GPR158: variants seen among roughly 807,000 people sequenced by gnomAD.
GPR158 encodes metabotropic glycine receptor.
GPR158 carries 30 observed loss-of-function variants against 78.2 expected under a neutral mutation model. The observed-to-expected ratio is 0.38, with a 90% CI of 0.29 to 0.52. The LOEUF (loss-of-function observed/expected upper bound fraction) is 0.52. Among genes scored for constraint, GPR158 ranks in the 20% least tolerant of loss-of-function variants. The pLI is 0.83. For synonymous variants in GPR158, 581 were observed against 591.1 expected (o/e 0.98, Z 0.25); for missense variants, 1,463 against 1,523.5 (o/e 0.96, Z 0.66).
chr10:25,265,011 A>G (rs149284227), intron 2 of GPR158, among the ~76,000 whole-genome samples: 4 of 152,364 alleles, frequency 2.6e-5, no homozygotes, highest in Non-Finnish European at 4.4e-5. Context: ...TCTCATTAAA[A>G]TGAATTATAC....
chr10:25,296,063 A>AAAC (rs2130769628), intron 2 of GPR158, among the ~76,000 whole-genome samples: 1 of 151,788 alleles, frequency 6.6e-6, no homozygotes, highest in East Asian at 1.9e-4. Flanking sequence ...GAAAAAAAAA[A>AAAC]AAAAAACCTA....
At chr10:25,212,882 G>A (rs1853154333) in intron 1 of GPR158, among the ~76,000 whole-genome samples, 1 of 152,078 alleles carries the variant, frequency 6.6e-6, no homozygotes, top group South Asian at 2.1e-4. Context: ...CACCCGCCTT[G>A]GCCTCCCAAA....
At chr10:25,458,611 C>A (rs1835320456) in intron 4 of GPR158, among the ~76,000 whole-genome samples, 1 of 152,200 alleles carries the variant, frequency 6.6e-6, no homozygotes, top group South Asian at 2.1e-4. Context: ...CTGTGCCAGG[C>A]AGCATTATTG....
intron 3 of GPR158, among the ~76,000 whole-genome samples, chr10:25,408,073 T>C (rs923112862): frequency 1.3e-5 from 2 of 152,220 alleles, no homozygotes; most frequent in African/African-American, 4.8e-5. Context: ...TGGGTGAAGT[T>C]TCAAGTTTCA....
intron 1 of GPR158, among the ~76,000 whole-genome samples, chr10:25,189,100 G>C (rs1194072515): frequency 1.3e-5 from 2 of 152,174 alleles, no homozygotes; most frequent in African/African-American, 4.8e-5. Context: ...TCTCACACCA[G>C]TTAGAATGGC....
intron 1 of GPR158, among the ~76,000 whole-genome samples, chr10:25,211,742 C>T (rs140411578): frequency 2.0e-5 from 3 of 152,306 alleles, no homozygotes; most frequent in Non-Finnish European, 2.9e-5. Flanking sequence ...TTTTACCTTT[C>T]GCAGTCAAGT....
chr10:25,599,353 A>G lies in GPR158; in HGVS notation c.*79A>G. On this transcript the variant is annotated 3_prime_UTR_variant, in exon 11 of 11. Coordinates refer to ENST00000376351, the MANE Select transcript of GPR158 (RefSeq NM_020752.3). The stretch of plus-strand genomic sequence containing the variant: ...AAGATATAAGAATCAAATATTCCCA[A>G]GGAGGATTTGTCAATCAAGGAAAAC... The G allele has an allele frequency of 9.0e-7, 1 of 1,108,330 alleles. No homozygotes were observed. Among genetic ancestry groups the G allele is most frequent in the Non-Finnish European group, 1.3e-6 (1 of 776,032 alleles). 68.7% of individuals were successfully genotyped at this position (1,108,330 alleles called of 1,614,324 possible).
intron 2 of GPR158, among the ~76,000 whole-genome samples, chr10:25,383,225 T>G (rs140302388): frequency 6.6e-6 from 1 of 152,226 alleles, no homozygotes; most frequent in Non-Finnish European, 1.5e-5. Context: ...TTTTTAAAAA[T>G]CTAGAAGCCT....
chr10:25,257,264 T>G (rs1853900773), intron 2 of GPR158, among the ~76,000 whole-genome samples: 1 of 152,190 alleles, frequency 6.6e-6, no homozygotes, highest in Non-Finnish European at 1.5e-5. Flanking sequence ...AATCCATTCC[T>G]GCAGGCTAAG....
chr10:25,412,346 C>G lies in GPR158; in HGVS notation c.1208C>G (p.Ala403Gly). 1 of 1,613,304 alleles carries G rather than the reference C, an allele frequency of 6.2e-7. No homozygotes were observed. The highest frequency in any genetic ancestry group is 8.5e-7 in the Non-Finnish European group (1 of 1,179,194). ...LPCREGCPFCADDSPCFVQED... is the reference protein window; with the variant it reads ...LPCREGCPFCGDDSPCFVQED... The stretch of plus-strand genomic sequence containing the variant: ...TGCAGGGAGGGCTGCCCCTTCTGTG[C>G]TGATGACAGCCCATGCTTCGTCCAG... Residue 403 changes from alanine to glycine, a missense_variant, in exon 4 of 11, where the codon GCT (alanine) becomes GGT (glycine). Transcript: ENST00000376351.
chr10:25,226,092 C>T (rs1853368671), intron 2 of GPR158, among the ~76,000 whole-genome samples: 1 of 147,998 alleles, frequency 6.8e-6, no homozygotes, highest in African/African-American at 2.5e-5. Flanking sequence ...CTCACCATTG[C>T]TCTTCTTTTC....
At chr10:25,418,996 G>T (rs926944746) in intron 4 of GPR158, among the ~76,000 whole-genome samples, 4 of 151,900 alleles carry the variant, frequency 2.6e-5, no homozygotes, top group African/African-American at 9.6e-5. Flanking sequence ...GATTTTTTAA[G>T]TGAAATTCTA....
At position 25,599,243 on chromosome 10, in the gene GPR158, A is replaced by G. The variant is rs201226568; in HGVS notation, c.3617A>G (p.Lys1206Arg). ...LSANKIAGPR[K>R]EEIWDSFKV ...GCAAATAAGATAGCAGGGCCTAGGA[A>G]AGAAGAGATCTGGGATAGTTTTAAA... The change falls in exon 11 of 11, where the codon AAA (lysine) becomes AGA (arginine). Residue 1206 changes from lysine (K) to arginine (R), a missense_variant. Physicochemically the swap from Lys to Arg is conservative, Grantham distance 26. Coordinates refer to ENST00000376351, the MANE Select transcript of GPR158 (RefSeq NM_020752.3). 12 of 1,612,660 alleles carry G rather than the reference A, an allele frequency of 7.4e-6. No homozygotes were observed. In the Admixed American group the frequency reaches 2.0e-4, roughly 27 times the overall value.
At chr10:25,381,390 G>C (rs1415962830) in intron 2 of GPR158, among the ~76,000 whole-genome samples, 1 of 152,102 alleles carries the variant, frequency 6.6e-6, no homozygotes, top group Non-Finnish European at 1.5e-5. Flanking sequence ...TGTTTGGGTA[G>C]TAACTAGAAG....
At chr10:25,374,721 A>T (rs1834051753) in intron 2 of GPR158, among the ~76,000 whole-genome samples, 1 of 151,754 alleles carries the variant, frequency 6.6e-6, no homozygotes, top group Admixed American at 6.6e-5. Context: ...TGTTGTGTGT[A>T]TCAATCGTGT....
chr10:25,431,671 A>T (rs1237244379), intron 4 of GPR158, among the ~76,000 whole-genome samples: 3 of 148,242 alleles, frequency 2.0e-5, no homozygotes, highest in African/African-American at 5.0e-5. Context: ...ATGGAATACT[A>T]TGCAGCCATA....
chr10:25,550,988 T>C lies in GPR158; in HGVS notation c.1417T>C (p.Tyr473His). 6.3e-7 allele frequency: 1 copy of C among 1,592,520 alleles called. No homozygotes were observed. The highest frequency in any genetic ancestry group is 8.6e-7 in the Non-Finnish European group (1 of 1,160,456). ...LLLYFPVVIL[Y>H]FEPSTFRCIL... Reference sequence around the variant, plus strand: ...TTTCATCCCACAGGTTGTTATTTTGTACTTTGAGCCAAGCACATTTCGCTG... The same window carrying C: ...TTTCATCCCACAGGTTGTTATTTTGCACTTTGAGCCAAGCACATTTCGCTG... The change falls in exon 6 of 11, where the codon TAC (tyrosine) becomes CAC (histidine). Residue 473 changes from tyrosine to histidine, a missense_variant. Coordinates refer to ENST00000376351, the MANE Select transcript of GPR158 (RefSeq NM_020752.3).
At chr10:25,374,356 C>G (rs547752573) in intron 2 of GPR158, among the ~76,000 whole-genome samples, 2 of 151,654 alleles carry the variant, frequency 1.3e-5, no homozygotes, top group South Asian at 2.1e-4. Flanking sequence ...TCATATGTAA[C>G]TGTGGTATAA....
At chr10:25,407,491 C>T (rs1834529833) in intron 3 of GPR158, among the ~76,000 whole-genome samples, 1 of 152,052 alleles carries the variant, frequency 6.6e-6, no homozygotes, top group African/African-American at 2.4e-5. Context: ...TCACATGTGT[C>T]AAGATGCCTT....
Sources: allele counts gnomAD v4.1 joint callset (sites outside exome capture counted in the v4.1 genomes callset), GRCh38; gene constraint gnomAD v4.1.1; transcripts MANE v1.5; gene names NCBI Gene and HGNC (gene_info 2026-07-23, HGNC 2026-07-21).